The following PRDM8 variants were observed in gnomAD, a reference collection of about 807,000 sequenced individuals.
The protein encoded by PRDM8 is PR domain zinc finger protein 8.
PRDM8 carries 13 observed loss-of-function variants against 46.5 expected under a neutral mutation model. The ratio of observed to expected loss-of-function variants is 0.28; its 90% CI spans 0.18 to 0.44. The LOEUF (loss-of-function observed/expected upper bound fraction) is 0.44. Ranked by LOEUF, PRDM8 falls within the 20% of genes least tolerant of loss-of-function variation. The pLI is 1.00. For missense variants in PRDM8, 998 were observed against 955.0 expected (o/e 1.04, Z -0.59); for synonymous variants, 473 against 438.4 (o/e 1.08, Z -0.98).
chr4:80,186,957 G>C (rs1737144172), intron 1 of PRDM8, among the ~76,000 whole-genome samples: 1 of 152,164 alleles, frequency 6.6e-6, no homozygotes, highest in Admixed American at 6.5e-5. Flanking sequence ...CTACTGATTG[G>C]GGGAGCTTTG....
chr4:80,198,613 C>G (rs73829241), intron 1 of PRDM8, among the ~76,000 whole-genome samples: 4 of 152,084 alleles, frequency 2.6e-5, no homozygotes, highest in Non-Finnish European at 4.4e-5. Flanking sequence ...CAGCCCAACA[C>G]TTGACATTTG....
intron 1 of PRDM8, among the ~76,000 whole-genome samples, chr4:80,186,202 A>G (rs980682129): frequency 6.6e-6 from 1 of 152,190 alleles, no homozygotes; most frequent in African/African-American, 2.4e-5. Context: ...AGGATGGGGT[A>G]GGATAAGAGT....
At position 80,203,240 on chromosome 4, in the gene PRDM8, C is replaced by T; in HGVS notation, c.1778C>T (p.Ala593Val). The T allele has an allele frequency of 6.4e-7, 1 of 1,555,438 alleles. No homozygotes were observed. The highest frequency in any genetic ancestry group is 8.7e-7 in the Non-Finnish European group (1 of 1,152,560). The change falls in exon 4 of 4, where the codon GCT becomes GTT. Residue 593 changes from alanine to valine, a missense_variant. Ala to Val is a moderately conservative substitution (Grantham distance 64). Transcript: ENST00000415738. ...PKSSAAAAAA[A>V]AAAAAGPLQL... is the part of the protein sequence containing the mutation. Reference sequence around the variant, plus strand: ...AGCTCCGCTGCCGCTGCAGCCGCGGCTGCGGCGGCGGCCGCGGGGCCCTTG... The same window carrying T: ...AGCTCCGCTGCCGCTGCAGCCGCGGTTGCGGCGGCGGCCGCGGGGCCCTTG...
At position 80,200,771 on chromosome 4, in the gene PRDM8, C is replaced by G. The variant is rs137890338; in HGVS notation, c.219+472C>G. On this transcript the variant is annotated intron_variant, in intron 2 of 3. Coordinates refer to ENST00000415738, the MANE Select transcript of PRDM8 (RefSeq NM_001099403.2). Reference sequence around the variant, plus strand: ...TAAATAAAAATGTTTATGGTTTTGACAGTAAAGCATCATCAAATCCATATG... The same window carrying G: ...TAAATAAAAATGTTTATGGTTTTGAGAGTAAAGCATCATCAAATCCATATG... Among the ~76,000 whole-genome samples the G allele has an allele frequency of 1.6e-4, 25 of 152,318 alleles. No individual in the cohort carries two copies. In the East Asian group the frequency reaches 4.6e-3, roughly 28 times the overall value.
At chr4:80,201,887 T>TGTGTGC (rs1463866084) in intron 3 of PRDM8, 27 bp from the exon 4 acceptor site, 2 of 1,591,736 alleles carry the variant, frequency 1.3e-6, no homozygotes, top group African/African-American at 3.0e-5. Context: ...CGTGCGTGCG[T>TGTGTGC]GTGTGTGGTG....
chr4:80,199,618 C>G (rs1425798236), intron 1 of PRDM8, among the ~76,000 whole-genome samples: 1 of 151,944 alleles, frequency 6.6e-6, no homozygotes, highest in Non-Finnish European at 1.5e-5. Flanking sequence ...CATAGGCAGA[C>G]AGGCACTTTC....
In PRDM8 at chr4:80,197,768, G is replaced by A; in HGVS notation, c.-3+5G>A. ...TCTATACTGACCTTATTCCTGGTAA[G>A]TCTATTTGCATTGATGTGGGAGGGG... is the stretch of plus-strand genomic sequence containing the variant. On this transcript the variant is annotated splice_donor_5th_base_variant and intron_variant, in intron 1 of 3. Coordinates refer to ENST00000415738, the MANE Select transcript of PRDM8 (RefSeq NM_001099403.2). 1.0e-6 allele frequency: 1 copy of A among 985,442 alleles called. No individual in the cohort carries two copies. Among genetic ancestry groups the A allele is most frequent in the Non-Finnish European group, 1.2e-6 (1 of 829,552 alleles). The allele number at this position is 985,442 out of a possible 1,614,324, so 61.0% of individuals were successfully genotyped here.
At chr4:80,197,846 CCTT>C in intron 1 of PRDM8, 83 bp downstream of exon 1, 1 of 929,774 alleles carries the variant, frequency 1.1e-6, no homozygotes, top group African/African-American at 1.8e-5. Flanking sequence ...TCTTCCGTCT[CCTT>C]ATTATCCAGA....
chr4:80,186,943 A>T (rs1737142999), intron 1 of PRDM8, among the ~76,000 whole-genome samples: 1 of 152,192 alleles, frequency 6.6e-6, no homozygotes, highest in Non-Finnish European at 1.5e-5. Flanking sequence ...GTAGAAGCAG[A>T]TGGCTACTGA....
chr4:80,199,709 A>ATGTGTGTGTGTGTG (rs34334135), intron 1 of PRDM8, among the ~76,000 whole-genome samples: 91 of 133,006 alleles, frequency 6.8e-4, no homozygotes, highest in East Asian at 3.3e-3. Context: ...ATATATATAT[A>ATGTGTGTGTGTGTG]TGTGTGTGTG....
At chr4:80,187,121 C>A (rs1347450495) in intron 1 of PRDM8, among the ~76,000 whole-genome samples, 1 of 152,142 alleles carries the variant, frequency 6.6e-6, no homozygotes, top group African/African-American at 2.4e-5. Context: ...GGGTAGAACA[C>A]TGAGGAATTG....
chr4:80,188,577 C>T (rs1189246242), intron 1 of PRDM8, among the ~76,000 whole-genome samples: 1 of 152,174 alleles, frequency 6.6e-6, no homozygotes, highest in South Asian at 2.1e-4. Context: ...ATTACAGACC[C>T]CGGGTTCAGA....
upstream of PRDM8, chr4:80,194,271 C>T: frequency 1.1e-6 from 1 of 932,944 alleles, no homozygotes; most frequent in South Asian, 4.9e-5. Flanking sequence ...TGTCATTCTT[C>T]TAATTACTTA....
At chr4:80,192,809 C>A (rs986393112), upstream of PRDM8, among the ~76,000 whole-genome samples, 1 of 152,330 alleles carries the variant, frequency 6.6e-6, no homozygotes, top group South Asian at 2.1e-4. Flanking sequence ...GATTTCATAT[C>A]TGTTGGTAGT....
intron 1 of PRDM8, among the ~76,000 whole-genome samples, chr4:80,199,595 A>G (rs1182603983): frequency 6.6e-6 from 1 of 152,006 alleles, no homozygotes; most frequent in Non-Finnish European, 1.5e-5. Context: ...GCTCCCGGGC[A>G]CCCAGTTCAA....
chr4:80,202,092 A>G lies in PRDM8; in HGVS notation c.630A>G (p.Lys210=), dbSNP rs1738515726. 8.2e-6 allele frequency: 13 copies of G among 1,579,970 alleles called. No homozygotes were observed. The highest frequency in any genetic ancestry group is 1.1e-5 in the Non-Finnish European group (13 of 1,165,298). Residue 210 remains lysine (K), a synonymous_variant, in exon 4 of 4, where the codon AAA becomes AAG. Transcript: ENST00000415738. ...ACGGGGGCGGCGGCGGCGGTGGCAA[A>G]GACCAGCAGCAGCAGCAGCAGGAGG... ...KDHGGGGGGG[K]DQQQQQQEAP...
At position 80,203,206 on chromosome 4, in the gene PRDM8, T is replaced by C. The variant is rs1738705118; in HGVS notation, c.1744T>C (p.Trp582Arg). 2 of 1,551,614 alleles carry C rather than the reference T, an allele frequency of 1.3e-6. No individual in the cohort carries two copies. The highest frequency in any genetic ancestry group is 1.2e-5 in the South Asian group (1 of 85,106). ...QSPFLYATAFWPKSSAAAAAA... is the reference protein window; with the variant it reads ...QSPFLYATAFRPKSSAAAAAA... ...CCCCTTCCTGTACGCCACCGCCTTC[T>C]GGCCCAAGAGCTCCGCTGCCGCTGC... is the stretch of plus-strand genomic sequence containing the variant. Residue 582 changes from tryptophan to arginine, a missense_variant, in exon 4 of 4, where the codon TGG becomes CGG. Transcript: ENST00000415738.
chr4:80,196,608 A>C, upstream of PRDM8: 2 of 985,186 alleles, frequency 2.0e-6, no homozygotes, highest in Non-Finnish European at 2.4e-6. Context: ...CTTGGTAATC[A>C]TTTTTATTTT....
Position 80,202,700 on chromosome 4 carries a change from A to C in PRDM8, c.1238A>C (p.Asp413Ala). 7.6e-7 allele frequency: 1 copy of C among 1,319,398 alleles called. No homozygotes were observed. The highest frequency in any genetic ancestry group is 2.1e-5 in the South Asian group (1 of 47,884). 81.7% of individuals were successfully genotyped at this position (1,319,398 alleles called of 1,614,324 possible). Residue 413 changes from aspartate to alanine, a missense_variant, in exon 4 of 4, where the codon GAC (aspartate) becomes GCC (alanine). Transcript: ENST00000415738. ...GACGGCGCGGGAGTCGCCTCCGAGG[A>C]CCAGGACGCTGGCGGCGGCGGCGGC... ...TADGAGVASE[D>A]QDAGGGGGSS...
Sources: allele counts gnomAD v4.1 joint callset (sites outside exome capture counted in the v4.1 genomes callset), GRCh38; gene constraint gnomAD v4.1.1; transcripts MANE v1.5; gene names NCBI Gene and HGNC (gene_info 2026-07-23, HGNC 2026-07-21).